MCTP1: variants seen among roughly 807,000 people sequenced by gnomAD.
MCTP1 encodes the protein multiple C2 and transmembrane domain-containing protein 1.
In MCTP1, 69 loss-of-function variants were observed where a neutral mutation model predicts 120.6. The ratio of observed to expected loss-of-function variants is 0.57; its 90% CI spans 0.47 to 0.70. The LOEUF (loss-of-function observed/expected upper bound fraction) is 0.70, where lower values mean the gene tolerates loss of function less well. Among genes scored for constraint, MCTP1 ranks in the 30% least tolerant of loss-of-function variants. The pLI is 0.00. For missense variants in MCTP1, 1,203 were observed against 1,248.8 expected, an observed-to-expected ratio of 0.96 and a Z score of 0.55; for synonymous variants, 529 against 493.1, an observed-to-expected ratio of 1.07 and a Z score of -0.96.
chr5:94,784,550 A>G (rs935475419), intron 18 of MCTP1, among the ~76,000 whole-genome samples: 1 of 152,082 alleles, frequency 6.6e-6, no homozygotes, highest in African/African-American at 2.4e-5. Context: ...TTAATTGTAT[A>G]CATAATTCAC....
intron 11 of MCTP1, among the ~76,000 whole-genome samples, chr5:94,891,388 G>C (rs1802569143): frequency 6.6e-6 from 1 of 152,190 alleles, no homozygotes; most frequent in African/African-American, 2.4e-5. Context: ...AGTTTGGAAA[G>C]TTTCTTATCT....
chr5:95,093,572 G>A (rs891670027), intron 1 of MCTP1, among the ~76,000 whole-genome samples: 1 of 152,128 alleles, frequency 6.6e-6, no homozygotes, highest in African/African-American at 2.4e-5. Context: ...GTTTCAAGCA[G>A]ATGTTTAGAT....
At chr5:94,838,921 T>C (rs1790404596) in intron 17 of MCTP1, among the ~76,000 whole-genome samples, 1 of 152,186 alleles carries the variant, frequency 6.6e-6, no homozygotes, top group Non-Finnish European at 1.5e-5. Flanking sequence ...CTCAGAGGTC[T>C]TGGTGTTAAA....
At chr5:94,854,993 G>T (rs1794464918) in intron 17 of MCTP1, among the ~76,000 whole-genome samples, 1 of 151,772 alleles carries the variant, frequency 6.6e-6, no homozygotes, top group African/African-American at 2.4e-5. Context: ...TTCAGGAGAT[G>T]GGTGTTTCAT....
intron 11 of MCTP1, among the ~76,000 whole-genome samples, chr5:94,889,782 A>ACACACC (rs1477667839): frequency 2.7e-5 from 4 of 148,850 alleles, no homozygotes; most frequent in Admixed American, 6.7e-5. Flanking sequence ...ACACACACAC[A>ACACACC]CCCCTCTATG....
intron 12 of MCTP1, among the ~76,000 whole-genome samples, chr5:94,883,799 A>G (rs904918045): frequency 2.6e-5 from 4 of 152,158 alleles, no homozygotes; most frequent in African/African-American, 9.7e-5. Flanking sequence ...CAATTGAGCA[A>G]TTGTTTTCTA....
intron 17 of MCTP1, among the ~76,000 whole-genome samples, chr5:94,824,498 T>A (rs1786489423): frequency 6.6e-6 from 1 of 152,164 alleles, no homozygotes; most frequent in Non-Finnish European, 1.5e-5. Flanking sequence ...TGAAATTTTC[T>A]TTTTTTGTTG....
chr5:94,823,014 T>TTA (rs1179928049), intron 17 of MCTP1, among the ~76,000 whole-genome samples: 1 of 152,230 alleles, frequency 6.6e-6, no homozygotes, highest in Non-Finnish European at 1.5e-5. Flanking sequence ...TTCACTCTGA[T>TTA]GATAGATTCT....
At chr5:95,032,496 AAAC>A (rs1840489507) in intron 1 of MCTP1, among the ~76,000 whole-genome samples, 1 of 152,098 alleles carries the variant, frequency 6.6e-6, no homozygotes, top group Non-Finnish European at 1.5e-5. Flanking sequence ...AACTTTGGGT[AAAC>A]AACAAAGTTA....
At chr5:94,921,497 C>A (rs1389423162) in intron 7 of MCTP1, among the ~76,000 whole-genome samples, 2 of 152,192 alleles carry the variant, frequency 1.3e-5, no homozygotes, top group African/African-American at 2.4e-5. Context: ...TCCTGCTTAA[C>A]CCACAAAGCA....
intron 10 of MCTP1, among the ~76,000 whole-genome samples, 162 bp downstream of exon 10, chr5:94,909,089 A>T (rs1807732274): frequency 6.6e-6 from 1 of 152,092 alleles, no homozygotes; most frequent in African/African-American, 2.4e-5. Flanking sequence ...CCTACTGGTC[A>T]GTTTTTGAAT....
chr5:95,252,342 AG>A (rs1384327879), intron 1 of MCTP1, among the ~76,000 whole-genome samples: 5 of 152,202 alleles, frequency 3.3e-5, no homozygotes, highest in African/African-American at 1.2e-4. Context: ...ACTGGAAGAT[AG>A]GGGCACTATC....
intron 19 of MCTP1, among the ~76,000 whole-genome samples, chr5:94,731,140 C>A (rs1254687451): frequency 1.3e-5 from 2 of 152,084 alleles, no homozygotes; most frequent in Admixed American, 1.3e-4. Context: ...GGTATAGTTT[C>A]TTGTAGAGCT....
chr5:95,040,078 A>G lies in MCTP1; in HGVS notation c.721-22594T>C, dbSNP rs140639640. Among the ~76,000 whole-genome samples, 238 of 152,230 alleles carry G rather than the reference A, an allele frequency of 1.6e-3. 2 individuals are homozygous for G. The highest frequency in any genetic ancestry group is 6.9e-4 in the Non-Finnish European group (47 of 68,010). ...AGCTTCATCTAATTAATTACAGAAA[A>G]ATATACAATTCATCTTGGCATGTGA... On this transcript the variant is annotated intron_variant, in intron 1 of 22. Coordinates refer to ENST00000515393, the MANE Select transcript of MCTP1 (RefSeq NM_024717.7).
chr5:95,256,800 G>C, intron 1 of MCTP1, among the ~76,000 whole-genome samples: 1 of 152,282 alleles, frequency 6.6e-6, no homozygotes, highest in African/African-American at 2.4e-5. Flanking sequence ...GGTAAAGCAG[G>C]ATCCAAAACC....
At chr5:94,971,693 A>G (rs1485794914) in intron 2 of MCTP1, among the ~76,000 whole-genome samples, 1 of 152,184 alleles carries the variant, frequency 6.6e-6, no homozygotes, top group Non-Finnish European at 1.5e-5. Flanking sequence ...AAATAAAACA[A>G]GTTAAAAGTG....
intron 1 of MCTP1, among the ~76,000 whole-genome samples, chr5:95,187,382 C>A (rs1375115317): frequency 6.6e-6 from 1 of 152,126 alleles, no homozygotes; most frequent in Non-Finnish European, 1.5e-5. Context: ...TCTCACTTAT[C>A]TGTGGGCTCA....
At chr5:95,123,205 C>T (rs1758366884) in intron 1 of MCTP1, among the ~76,000 whole-genome samples, 1 of 152,050 alleles carries the variant, frequency 6.6e-6, no homozygotes, top group Admixed American at 6.6e-5. Flanking sequence ...ACATTACATG[C>T]CTGTATCAAA....
At chr5:94,766,658 A>G (rs1034325177) in intron 19 of MCTP1, among the ~76,000 whole-genome samples, 4 of 149,958 alleles carry the variant, frequency 2.7e-5, no homozygotes, top group African/African-American at 9.8e-5. Flanking sequence ...GTACCCTAGA[A>G]CTTAAAGTAT....
Sources: gnomAD v4.1 joint callset for allele counts (sites outside exome capture counted in the v4.1 genomes callset) on GRCh38, gnomAD v4.1.1 for gene constraint, MANE v1.5 for transcripts, NCBI Gene and HGNC (gene_info 2026-07-23, HGNC 2026-07-21) for gene names.